Variants in SEC14L1 observed in about 807,000 individuals in gnomAD.
The protein encoded by SEC14L1 is SEC14 like lipid binding 1.
A neutral mutation model predicts 85.3 loss-of-function variants in SEC14L1; 48 were observed. The observed-to-expected ratio is 0.56, with a 90% CI of 0.45 to 0.72. The LOEUF is 0.72. Ranked by LOEUF, SEC14L1 falls within the 30% of genes least tolerant of loss-of-function variation. The pLI is 0.00. For synonymous variants in SEC14L1, 391 were observed against 355.5 expected (o/e 1.10, Z -1.12); for missense variants, 682 against 921.4 (o/e 0.74, Z 3.36).
chr17:77,183,391 TA>T, intron 3 of SEC14L1, among the ~76,000 whole-genome samples: 1 of 152,366 alleles, frequency 6.6e-6, no homozygotes, highest in East Asian at 1.9e-4. Context: ...CATTTGAAAG[TA>T]AGTTGCTTTA....
At chr17:77,114,562 C>T (rs1223268663) in intron 3 of SEC14L1, among the ~76,000 whole-genome samples, 1 of 148,562 alleles carries the variant, frequency 6.7e-6, no homozygotes, top group Non-Finnish European at 1.5e-5. Flanking sequence ...TGGCCAGGCA[C>T]AGTAGCTCAC....
At chr17:77,115,423 C>G (rs1222000740) in intron 3 of SEC14L1, among the ~76,000 whole-genome samples, 31 of 151,946 alleles carry the variant, frequency 2.0e-4, no homozygotes, top group Non-Finnish European at 1.2e-4. Context: ...GAGCGAAACT[C>G]CATCTCAAAA....
chr17:77,194,875 C>G lies in SEC14L1; in HGVS notation c.673C>G (p.Pro225Ala). 6.2e-7 allele frequency: 1 copy of G among 1,614,140 alleles called. No individual in the cohort carries two copies. Among genetic ancestry groups the G allele is most frequent in the Non-Finnish European group, 8.5e-7 (1 of 1,180,000 alleles). ...EGLSGDALSS[P>A]SAPEPVVGTP... is the part of the protein sequence containing the mutation. The stretch of plus-strand genomic sequence containing the variant: ...GCTGAGTGGTGATGCCCTCAGCAGC[C>G]CCAGCGCACCTGAGCCCGTGGTGGG... Residue 225 changes from proline to alanine, a missense_variant, in exon 7 of 17, where the codon CCC becomes GCC. Pro to Ala is a conservative substitution (Grantham distance 27, BLOSUM62 -1). Transcript: ENST00000436233.
At position 77,206,365 on chromosome 17, in the gene SEC14L1, CG is replaced by C; in HGVS notation, c.1309del (p.Ala437ArgfsTer51). ...PETLGRLLIL[R>X]APRVFPVLWT... ...GACACTGGGCCGCCTTCTCATCCTG[CG>C]GGCGCCCAGGGTATTTCCTGTGCTC... is the stretch of plus-strand genomic sequence containing the variant. On this transcript the variant is annotated frameshift_variant, in exon 12 of 17. Transcript: ENST00000436233. LOFTEE classifies it high-confidence loss of function. This position sits in a 1 kb window ranked among gnomAD's most constrained non-coding sequence, Gnocchi z 4.3. 6.2e-7 allele frequency: 1 copy of C among 1,614,036 alleles called. No homozygotes were observed. Among genetic ancestry groups the C allele is most frequent in the Non-Finnish European group, 8.5e-7 (1 of 1,179,988 alleles).
chr17:77,119,038 A>G (rs923528229), intron 3 of SEC14L1, among the ~76,000 whole-genome samples: 10 of 152,152 alleles, frequency 6.6e-5, no homozygotes, highest in Admixed American at 6.5e-4. Context: ...GGCCGGGTAC[A>G]GTGGCTCATG....
At chr17:77,105,668 CTT>C (rs1971899004) in intron 3 of SEC14L1, among the ~76,000 whole-genome samples, 1 of 152,160 alleles carries the variant, frequency 6.6e-6, no homozygotes, top group South Asian at 2.1e-4. Context: ...GGAGAAAAGA[CTT>C]TTAAACATTC....
chr17:77,149,787 A>G (rs1039928436), intron 3 of SEC14L1, among the ~76,000 whole-genome samples: 5 of 151,504 alleles, frequency 3.3e-5, no homozygotes, highest in South Asian at 2.1e-4. Context: ...GTAACATGCT[A>G]TGGTCTTTCA....
intron 3 of SEC14L1, among the ~76,000 whole-genome samples, chr17:77,114,377 A>C (rs551828799): frequency 6.6e-6 from 1 of 151,812 alleles, no homozygotes; most frequent in Non-Finnish European, 1.5e-5. Context: ...TACAAAAATT[A>C]GCTGGGCATG....
At chr17:77,203,128 A>G (rs1976257991) in intron 9 of SEC14L1, among the ~76,000 whole-genome samples, 1 of 152,156 alleles carries the variant, frequency 6.6e-6, no homozygotes, top group African/African-American at 2.4e-5. Context: ...AAAATTTTAA[A>G]AGTACTCTGT....
chr17:77,208,055 C>T (rs1976557452), intron 13 of SEC14L1, among the ~76,000 whole-genome samples: 1 of 152,142 alleles, frequency 6.6e-6, no homozygotes. Context: ...AGTCATCCTT[C>T]ATATGAAAAG....
chr17:77,139,142 G>A (rs573054787), upstream of SEC14L1, among the ~76,000 whole-genome samples: 119 of 150,052 alleles, frequency 7.9e-4, no homozygotes, highest in African/African-American at 2.8e-3. Context: ...GCATCTAGAA[G>A]TTCAGCAGGT....
intron 3 of SEC14L1, among the ~76,000 whole-genome samples, chr17:77,177,558 AG>A (rs1460716435): frequency 6.6e-6 from 1 of 151,982 alleles, no homozygotes; most frequent in Admixed American, 6.6e-5. Context: ...AACCAGTTTT[AG>A]CTATGGTTAG....
chr17:77,152,331 T>C (rs1973598005), intron 3 of SEC14L1, among the ~76,000 whole-genome samples: 1 of 150,126 alleles, frequency 6.7e-6, no homozygotes, highest in Admixed American at 6.6e-5. Context: ...AGGTCAGGAG[T>C]TTGAGACCAG....
At chr17:77,193,671 A>G (rs1274310258) in intron 6 of SEC14L1, 122 bp downstream of exon 6, 5 of 1,030,934 alleles carry the variant, frequency 4.8e-6, no homozygotes, top group Non-Finnish European at 7.2e-6. Flanking sequence ...GGAAGATGCT[A>G]TGATCCCTAC....
In SEC14L1 at chr17:77,151,090, G is replaced by T. The variant is rs572630354; in HGVS notation, c.63+7431G>T. Among the ~76,000 whole-genome samples, 7 of 152,250 alleles carry T rather than the reference G, an allele frequency of 4.6e-5. No homozygotes were observed. The South Asian group carries it at 8.3e-4, about 18-fold the overall frequency. On this transcript the variant is annotated intron_variant, in intron 3 of 16. Transcript: ENST00000436233. Reference sequence around the variant, plus strand: ...CATCAAGGTATTCTTAGATCTTCCAGCAGCCTAATGTGCAGTAGAATTTGT... The same window carrying T: ...CATCAAGGTATTCTTAGATCTTCCATCAGCCTAATGTGCAGTAGAATTTGT...
At chr17:77,197,307 A>G (rs1975863727) in intron 8 of SEC14L1, among the ~76,000 whole-genome samples, 1 of 152,162 alleles carries the variant, frequency 6.6e-6, no homozygotes, top group Non-Finnish European at 1.5e-5. Flanking sequence ...TCCACGTGAC[A>G]CTCGGAACAC....
At chr17:77,159,095 T>G (rs7501813) in intron 3 of SEC14L1, among the ~76,000 whole-genome samples, 9 of 149,980 alleles carry the variant, frequency 6.0e-5, no homozygotes, top group Non-Finnish European at 1.2e-4. Context: ...GAAATAAACT[T>G]TCACTCTGTC....
chr17:77,214,737 C>T lies in SEC14L1; in HGVS notation c.*714C>T. ...TCCTCCTTTTCAAATCTTTTTGATACTTTTTAGAGCAGGATTTTTCTGTAT... is the reference window on the plus strand; with the variant it reads ...TCCTCCTTTTCAAATCTTTTTGATATTTTTTAGAGCAGGATTTTTCTGTAT... On this transcript the variant is annotated 3_prime_UTR_variant, in exon 17 of 17. Coordinates refer to ENST00000436233, the MANE Select transcript of SEC14L1 (RefSeq NM_001143998.2). 1 of 985,462 alleles carries T rather than the reference C, an allele frequency of 1.0e-6. No individual in the cohort carries two copies. The highest frequency in any genetic ancestry group is 1.2e-6 in the Non-Finnish European group (1 of 829,964). 61.0% of individuals were successfully genotyped at this position (985,462 alleles called of 1,614,324 possible). A position where few individuals can be genotyped will look rare whatever the true frequency, so the allele number is the denominator to read the frequency against.
intron 3 of SEC14L1, among the ~76,000 whole-genome samples, chr17:77,128,308 C>G (rs1972508685): frequency 6.6e-6 from 1 of 152,174 alleles, no homozygotes; most frequent in Non-Finnish European, 1.5e-5. Context: ...CGGCGCCTGA[C>G]CAGAGGCCAC....
Sources: allele counts gnomAD v4.1 joint callset (sites outside exome capture counted in the v4.1 genomes callset), GRCh38; gene constraint gnomAD v4.1.1; non-coding constraint Gnocchi (gnomAD v3.1); transcripts MANE v1.5; gene names NCBI Gene and HGNC (gene_info 2026-07-23, HGNC 2026-07-21).